The following PPP6R1 variants were observed in gnomAD, a reference collection of about 807,000 sequenced individuals.
PPP6R1 encodes the protein serine/threonine-protein phosphatase 6 regulatory subunit 1.
In PPP6R1, 39 loss-of-function variants were observed where a neutral mutation model predicts 104.6. The ratio of observed to expected loss-of-function variants is 0.37; its 90% confidence interval spans 0.29 to 0.49. The LOEUF (loss-of-function observed/expected upper bound fraction) is 0.49. Ranked by LOEUF, PPP6R1 falls within the 20% of genes least tolerant of loss-of-function variation. The pLI, the probability that PPP6R1 is intolerant of heterozygous loss-of-function variation, is 0.98. For synonymous variants in PPP6R1, 549 were observed against 479.0 expected (o/e 1.15, Z -1.91); for missense variants, 1,181 against 1,155.8 (o/e 1.02, Z -0.32).
intron 19 of PPP6R1, 37 bp from the exon 20 acceptor site, chr19:55,231,705 G>A (rs1295995543): frequency 1.3e-6 from 2 of 1,553,946 alleles, no homozygotes; most frequent in African/African-American, 1.4e-5. Context: ...GGGGCAGCTA[G>A]GGTTAGCACT....
chr19:55,242,692 C>T lies in PPP6R1; in HGVS notation c.619-204G>A, dbSNP rs1309511071. On this transcript the variant is annotated intron_variant, in intron 5 of 23. Coordinates refer to ENST00000412770, the MANE Select transcript of PPP6R1 (RefSeq NM_014931.4). ...AGAGAACAGGAAGCCCGGAAGGCTC[C>T]CCAGGACAGGAGGCATCCACACAAG... The T allele has an allele frequency of 7.0e-6, 4 of 570,320 alleles. No homozygotes were observed. The African/African-American group carries it at 7.5e-5, about 11-fold the overall frequency. The allele number at this position is 570,320 out of a possible 1,614,324, so 35.3% of individuals were successfully genotyped here. A position where few individuals can be genotyped will look rare whatever the true frequency, so the allele number is the denominator to read the frequency against.
Position 55,241,161 on chromosome 19 carries a change from ACCCCAGCCCCCG to A in PPP6R1, c.1161+66_1161+77del. 2 of 279,364 alleles carry A rather than the reference ACCCCAGCCCCCG, an allele frequency of 7.2e-6. No homozygotes were observed. The highest frequency in any genetic ancestry group is 9.8e-6 in the Non-Finnish European group (2 of 203,262). 17.3% of individuals were successfully genotyped at this position (279,364 alleles called of 1,614,324 possible). A position where few individuals can be genotyped will look rare whatever the true frequency, so the allele number is the denominator to read the frequency against. ...CCCCTGAGCCCCCAGCCGAGCCCCCACCCCAGCCCCCGAACCCTCAGCCCAGTCCAGTCCCCG... is the reference window on the plus strand; with the variant it reads ...CCCCTGAGCCCCCAGCCGAGCCCCCAAACCCTCAGCCCAGTCCAGTCCCCG... On this transcript the variant is annotated intron_variant, in intron 9 of 23. Transcript: ENST00000412770. The surrounding 1 kb of genome is among the most constrained non-coding windows in gnomAD (Gnocchi z 5.4).
Position 55,245,547 on chromosome 19 carries a change from A to G in PPP6R1, c.359T>C (p.Leu120Pro). The G allele has an allele frequency of 6.2e-7, 1 of 1,611,624 alleles. No homozygotes were observed. The highest frequency in any genetic ancestry group is 8.5e-7 in the Non-Finnish European group (1 of 1,178,968). The stretch of plus-strand genomic sequence containing the variant: ...CATGACCTTGCTGAAGAAGCTGGCC[A>G]GCAGTGGGTTGAGGCTGCCGGTGCT... ...LQSTGSLNPL[L>P]ASFFSKVMGI... The change falls in exon 3 of 24, where the codon CTG (leucine) becomes CCG (proline). Residue 120 changes from leucine (L) to proline (P), a missense_variant. Leu to Pro is a moderately conservative substitution (Grantham distance 98, BLOSUM62 -3). Coordinates refer to ENST00000412770, the MANE Select transcript of PPP6R1 (RefSeq NM_014931.4). The surrounding 1 kb of genome is among the most constrained non-coding windows in gnomAD (Gnocchi z 6.4).
chr19:55,233,907 C>T (rs1367171392), intron 17 of PPP6R1, among the ~76,000 whole-genome samples: 6 of 152,152 alleles, frequency 3.9e-5, no homozygotes, highest in African/African-American at 1.4e-4. Context: ...GCAAAACAAT[C>T]TTTAAAAAGA....
In PPP6R1 at chr19:55,232,196, T is replaced by C. The variant is rs764826884; in HGVS notation, c.2004A>G (p.Thr668=). ...QPPGVRSGGS[T]DSEDEEEEDE... is the part of the protein sequence containing the mutation. ...CCTCCTCTTCTTCGTCCTCACTGTC[T>C]GTGCTGCCTCCACTCCTGCCCCAGA... The change falls in exon 18 of 24, where the codon ACA becomes ACG. Residue 668 remains threonine (T), a synonymous_variant. Coordinates refer to ENST00000412770, the MANE Select transcript of PPP6R1 (RefSeq NM_014931.4). 1.4e-5 allele frequency: 22 copies of C among 1,552,962 alleles called. No homozygotes were observed. Among genetic ancestry groups the C allele is most frequent in the Non-Finnish European group, 1.8e-5 (21 of 1,147,692 alleles).
intron 1 of PPP6R1, among the ~76,000 whole-genome samples, chr19:55,255,236 G>A (rs900687722): frequency 1.3e-5 from 2 of 152,220 alleles, no homozygotes; most frequent in African/African-American, 4.8e-5. Context: ...ACTGGCCAAG[G>A]ACTGGGACGG....
rs1243822547 is a variant in PPP6R1, at chr19:55,241,442, C to T, written c.1008+35G>A. On this transcript the variant is annotated intron_variant, in intron 8 of 23. Coordinates refer to ENST00000412770, the MANE Select transcript of PPP6R1 (RefSeq NM_014931.4). The surrounding 1 kb of genome is among the most constrained non-coding windows in gnomAD (Gnocchi z 5.4). ...CCAAGGGCTGCCCTTCCTGCTTCCC[C>T]CGCCTCCCCGAGGACCAGAACCCAC... is the stretch of plus-strand genomic sequence containing the variant. The T allele has an allele frequency of 6.3e-7, 1 of 1,596,226 alleles. No homozygotes were observed. Among genetic ancestry groups the T allele is most frequent in the Non-Finnish European group, 8.6e-7 (1 of 1,169,016 alleles).
chr19:55,240,873 G>C, intron 10 of PPP6R1, 72 bp downstream of exon 10: 3 of 1,540,626 alleles, frequency 1.9e-6, no homozygotes, highest in Non-Finnish European at 2.6e-6. Context: ...GGAGTGAGGG[G>C]TAGGCCTCTG....
chr19:55,252,027 A>G (rs2087557499), intron 1 of PPP6R1, among the ~76,000 whole-genome samples: 1 of 152,154 alleles, frequency 6.6e-6, no homozygotes, highest in African/African-American at 2.4e-5. Context: ...GGAACCACAC[A>G]CTGCAGGCCT....
chr19:55,230,564 T>TA (rs758552295), intron 23 of PPP6R1, 33 bp from the exon 24 acceptor site: 45 of 1,613,522 alleles, frequency 2.8e-5, no homozygotes, highest in Middle Eastern at 1.7e-4. Context: ...TGTGAGGGTC[T>TA]AGCAGGCCCA....
At chr19:55,249,598 T>C (rs1035778268) in intron 1 of PPP6R1, among the ~76,000 whole-genome samples, 7 of 152,004 alleles carry the variant, frequency 4.6e-5, no homozygotes, top group African/African-American at 1.7e-4. Flanking sequence ...CCCAGCACTT[T>C]GGGAGGCCCA....
chr19:55,246,986 C>T lies in PPP6R1; in HGVS notation c.118G>A (p.Val40Ile), dbSNP rs1013336430. 2.5e-5 allele frequency: 40 copies of T among 1,613,876 alleles called. No homozygotes were observed. The highest frequency in any genetic ancestry group is 3.0e-5 in the Non-Finnish European group (35 of 1,179,872). ...AGGAAGTCCAGCAGCTTGCGGTTGA[C>T]GACCTTGCACTCCTGCAGCACGTCT... ...EEDVLQECKVVNRKLLDFLLQ... is the reference protein window; with the variant it reads ...EEDVLQECKVINRKLLDFLLQ... The change falls in exon 2 of 24, where the codon GTC becomes ATC. Residue 40 changes from valine to isoleucine, a missense_variant. Coordinates refer to ENST00000412770, the MANE Select transcript of PPP6R1 (RefSeq NM_014931.4).
At chr19:55,251,842 A>G (rs2087556040) in intron 1 of PPP6R1, among the ~76,000 whole-genome samples, 2 of 152,228 alleles carry the variant, frequency 1.3e-5, no homozygotes, top group Admixed American at 6.5e-5. Context: ...ACCTGGGACC[A>G]GAATAATCTC....
At chr19:55,240,553 AC>A (rs1477233871) in intron 10 of PPP6R1, among the ~76,000 whole-genome samples, 2 of 150,724 alleles carry the variant, frequency 1.3e-5, no homozygotes, top group Non-Finnish European at 2.9e-5. Context: ...ACACACACAC[AC>A]ACATGCATGC....
In PPP6R1 at chr19:55,232,203, C is replaced by A; in HGVS notation, c.1997G>T (p.Gly666Val). 1 of 1,547,516 alleles carries A rather than the reference C, an allele frequency of 6.5e-7. No individual in the cohort carries two copies. Among genetic ancestry groups the A allele is most frequent in the East Asian group, 2.4e-5 (1 of 41,182 alleles). ...LGQPPGVRSG[G>V]STDSEDEEEE... ...TTCTTCGTCCTCACTGTCTGTGCTG[C>A]CTCCACTCCTGCCCCAGAAACCACC... The change falls in exon 18 of 24, where the codon GGC (glycine) becomes GTC (valine). Residue 666 changes from glycine to valine, a missense_variant. Gly to Val is a moderately radical substitution (Grantham distance 109). Around this residue, in one of 2 missense-constraint regions of PPP6R1, gnomAD observed 1,042 missense variants for 955.6 expected, o/e 1.09. Transcript: ENST00000412770.
At chr19:55,231,755 G>A in intron 19 of PPP6R1, 47 bp downstream of exon 19, 2 of 1,493,126 alleles carry the variant, frequency 1.3e-6, no homozygotes, top group South Asian at 1.4e-5. Context: ...GCCACCTCCT[G>A]GCCTCGGGAT....
At chr19:55,235,029 T>C (rs1260632120) in intron 17 of PPP6R1, among the ~76,000 whole-genome samples, 3 of 152,140 alleles carry the variant, frequency 2.0e-5, no homozygotes, top group African/African-American at 7.2e-5. Context: ...TCAGGATCTG[T>C]ATGTACACTT....
Position 55,245,409 on chromosome 19 carries a change from G to A in PPP6R1, c.415-7C>T, listed in dbSNP as rs1177213753. 10 of 1,613,370 alleles carry A rather than the reference G, an allele frequency of 6.2e-6. No individual in the cohort carries two copies. The African/African-American group carries it at 9.3e-5, about 15-fold the overall frequency. Reference sequence around the variant, plus strand: ...TCCGAAGAAAGGACACGAGCTGGGGGCACACGGGCTGCGTCATGCACAGGG... The same window carrying A: ...TCCGAAGAAAGGACACGAGCTGGGGACACACGGGCTGCGTCATGCACAGGG... On this transcript the variant is annotated splice_region_variant and splice_polypyrimidine_tract_variant and intron_variant, in intron 3 of 23. Transcript: ENST00000412770. The surrounding 1 kb of genome is among the most constrained non-coding windows in gnomAD (Gnocchi z 6.4).
rs1325877292 is a variant in PPP6R1 at position 55,230,648 on chromosome 19, G to C, written c.2607C>G (p.Gly869=). The change falls in exon 23 of 24, where the codon GGC becomes GGG. Residue 869 remains glycine, a synonymous_variant. Coordinates refer to ENST00000412770, the MANE Select transcript of PPP6R1 (RefSeq NM_014931.4). ...QALTPPPIPN[G]SAPEGPASPG... ...GGGATGCAGGCCCTTCCGGGGCAGAGCCATTGGGTATCGGAGGAGGCGTGA... is the reference window on the plus strand; with the variant it reads ...GGGATGCAGGCCCTTCCGGGGCAGACCCATTGGGTATCGGAGGAGGCGTGA... The C allele has an allele frequency of 6.2e-7, 1 of 1,609,844 alleles. No homozygotes were observed. Among genetic ancestry groups the C allele is most frequent in the Non-Finnish European group, 8.5e-7 (1 of 1,178,130 alleles).
Sources: gnomAD v4.1 joint callset for allele counts (sites outside exome capture counted in the v4.1 genomes callset) on GRCh38, gnomAD v4.1.1 for gene constraint, gnomAD v4.1.1 regional missense constraint, Gnocchi (gnomAD v3.1) non-coding constraint, MANE v1.5 for transcripts, NCBI Gene and HGNC (gene_info 2026-07-23, HGNC 2026-07-21) for gene names.